Variants in H1-8 observed in about 807,000 individuals in gnomAD.
The protein encoded by H1-8 is histone H1.8.
H1-8 carries 13 observed loss-of-function variants against 19.5 expected under a neutral mutation model. The ratio of observed to expected loss-of-function variants is 0.67; its 90% CI spans 0.43 to 1.06. The LOEUF (loss-of-function observed/expected upper bound fraction) is 1.06, where lower values mean the gene tolerates loss of function less well. Among genes scored for constraint, H1-8 ranks in the 50% least tolerant of loss-of-function variants. The pLI, the probability that H1-8 is intolerant of heterozygous loss-of-function variation, is 0.00. For missense variants in H1-8, 432 were observed against 459.8 expected, an observed-to-expected ratio of 0.94 and a Z score of 0.55; for synonymous variants, 193 against 187.6, an observed-to-expected ratio of 1.03 and a Z score of -0.24.
At chr3:129,546,488 T>C (rs2084889982) in intron 1 of H1-8, among the ~76,000 whole-genome samples, 1 of 152,226 alleles carries the variant, frequency 6.6e-6, no homozygotes, top group Admixed American at 6.5e-5. Flanking sequence ...GATTTATGTA[T>C]CATTTCATCT....
rs577693712 is a variant in H1-8, at chr3:129,546,402, C to T, written c.89-989C>T. 7.9e-5 allele frequency among the ~76,000 whole-genome samples: 12 copies of T among 152,242 alleles called. No individual in the cohort carries two copies. The South Asian group carries it at 2.1e-3, about 26-fold the overall frequency. On this transcript the variant is annotated intron_variant, in intron 1 of 4. Coordinates refer to ENST00000324382, the MANE Select transcript of H1-8 (RefSeq NM_153833.3). ...GTCTGTAACTCCCTTCCACTGTACC[C>T]GTCACCCAGCTCCAACAGTCACCAT...
chr3:129,543,274 G>T lies in H1-8; in HGVS notation c.56G>T (p.Gly19Val), dbSNP rs778047834. ...TCACCCTCCTCGACTTCCACAGCAG[G>T]ATCATCCAGGTCTCCTGAATCTGAA... ...DISPSSTSTA[G>V]SSRSPESEKP... Residue 19 changes from glycine (G) to valine (V), a missense_variant, in exon 1 of 5, where the codon GGA (glycine) becomes GTA (valine). Coordinates refer to ENST00000324382, the MANE Select transcript of H1-8 (RefSeq NM_153833.3). 1.2e-6 allele frequency: 2 copies of T among 1,613,624 alleles called. No homozygotes were observed. Among genetic ancestry groups the T allele is most frequent in the African/African-American group, 2.7e-5 (2 of 74,934 alleles).
intron 3 of H1-8, 150 bp downstream of exon 3, chr3:129,549,514 G>A: frequency 1.1e-6 from 1 of 936,576 alleles, no homozygotes; most frequent in Non-Finnish European, 1.6e-6. Flanking sequence ...AGAACTCATG[G>A]TAGCTGGTTG....
chr3:129,545,447 G>T (rs1213673818), intron 1 of H1-8, among the ~76,000 whole-genome samples: 2 of 151,974 alleles, frequency 1.3e-5, no homozygotes, highest in Admixed American at 1.3e-4. Context: ...ACACCTTATT[G>T]AGAAATAATT....
chr3:129,547,442 C>T lies in H1-8; in HGVS notation c.140C>T (p.Pro47Leu), dbSNP rs747952773. Reference protein sequence around the residue: ...PPGGPSHSSLPVGRRHPPVLR... With the variant: ...PPGGPSHSSLLVGRRHPPVLR... ...GGAGGCCCGAGCCACAGCAGCCTCC[C>T]GGTGGGACGCCGCCACCCCCCGGTG... The change falls in exon 2 of 5, where the codon CCG (proline) becomes CTG (leucine). Residue 47 changes from proline (P) to leucine (L), a missense_variant. Physicochemically the swap from Pro to Leu is moderately conservative, Grantham distance 98 (BLOSUM62 -3). Transcript: ENST00000324382. The T allele has an allele frequency of 2.1e-5, 31 of 1,485,782 alleles. No individual in the cohort carries two copies. The South Asian group carries it at 2.5e-4, about 12-fold the overall frequency. The allele number at this position is 1,485,782 out of a possible 1,614,324, so 92.0% of individuals were successfully genotyped here.
chr3:129,548,264 G>C lies in H1-8; in HGVS notation c.378+584G>C, dbSNP rs369054226. The C allele has an allele frequency of 6.6e-6, 6 of 909,694 alleles. No individual in the cohort carries two copies. In the East Asian group the frequency reaches 5.9e-4, roughly 90 times the overall value. The allele number at this position is 909,694 out of a possible 1,614,324, so 56.4% of individuals were successfully genotyped here. On this transcript the variant is annotated intron_variant, in intron 2 of 4. Coordinates refer to ENST00000324382, the MANE Select transcript of H1-8 (RefSeq NM_153833.3). ...GCATGTAGCAGCTGCCATGACAGTT[G>C]CCATGGAATGCTGGGGAACATTCTC...
intron 1 of H1-8, among the ~76,000 whole-genome samples, chr3:129,543,706 A>C (rs2084868429): frequency 6.6e-6 from 1 of 152,140 alleles, no homozygotes; most frequent in South Asian, 2.1e-4. Context: ...TTTCAACCAA[A>C]AAACACCTCA....
intron 2 of H1-8, 26 bp downstream of exon 2, chr3:129,547,706 G>A (rs1260598041): frequency 6.6e-7 from 1 of 1,518,360 alleles, no homozygotes; most frequent in South Asian, 1.2e-5. Context: ...GGAGGACATA[G>A]CCCAGGGTTG....
chr3:129,550,436 AG>A (rs2084924937), intron 3 of H1-8, among the ~76,000 whole-genome samples: 1 of 152,154 alleles, frequency 6.6e-6, no homozygotes, highest in Non-Finnish European at 1.5e-5. Context: ...GCCAGGTGGA[AG>A]ACAAACTAAA....
chr3:129,551,445 C>T lies in H1-8; in HGVS notation c.*105C>T. ...ATTGTAAGCTATTTATCAATAAAGACTTTTGTTTCTTTTTCCTCACAATTG... is the reference window on the plus strand; with the variant it reads ...ATTGTAAGCTATTTATCAATAAAGATTTTTGTTTCTTTTTCCTCACAATTG... On this transcript the variant is annotated 3_prime_UTR_variant, in exon 5 of 5. Transcript: ENST00000324382. The T allele has an allele frequency of 1.3e-6, 1 of 777,888 alleles. No homozygotes were observed. Among genetic ancestry groups the T allele is most frequent in the South Asian group, 1.9e-5 (1 of 53,124 alleles). The allele number at this position is 777,888 out of a possible 1,614,324, so 48.2% of individuals were successfully genotyped here.
rs974083849 is a variant in H1-8 at position 129,547,495 on chromosome 3, G to A, written c.193G>A (p.Ala65Thr). Residue 65 changes from alanine (A) to threonine (T), a missense_variant, in exon 2 of 5, where the codon GCT becomes ACT. Ala to Thr is a moderately conservative substitution (Grantham distance 58). Transcript: ENST00000324382. ...VLRMVLEALQ[A>T]GEQRRGTSVA... ...ACGCATGGTGCTGGAGGCGCTGCAG[G>A]CTGGGGAGCAGCGCCGGGGCACGTC... 1 of 1,562,800 alleles carries A rather than the reference G, an allele frequency of 6.4e-7. No homozygotes were observed. The highest frequency in any genetic ancestry group is 8.7e-7 in the Non-Finnish European group (1 of 1,153,890).
chr3:129,543,589 G>C (rs1313501601), intron 1 of H1-8, among the ~76,000 whole-genome samples: 1 of 152,244 alleles, frequency 6.6e-6, no homozygotes, highest in Admixed American at 6.5e-5. Context: ...CTTCCAGCTG[G>C]AGCCCGTTTC....
intron 1 of H1-8, among the ~76,000 whole-genome samples, chr3:129,545,923 C>T (rs1053781870): frequency 6.6e-5 from 10 of 152,036 alleles, no homozygotes; most frequent in Non-Finnish European, 1.5e-4. Context: ...TGTGGACATG[C>T]GTTTTCATTT....
chr3:129,549,005 T>C lies in H1-8; in HGVS notation c.383T>C (p.Val128Ala). ...ARGATGSFKLVPKHKKKIQPR... is the reference protein window; with the variant it reads ...ARGATGSFKLAPKHKKKIQPR... ...CCACCCCGTGTCCTTCTCCAGTTAG[T>C]TCCCAAGCACAAGAAGAAAATCCAG... The change falls in exon 3 of 5, where the codon GTT (valine) becomes GCT (alanine). Residue 128 changes from valine (V) to alanine (A), a missense_variant. Physicochemically the swap from Val to Ala is moderately conservative, Grantham distance 64. Coordinates refer to ENST00000324382, the MANE Select transcript of H1-8 (RefSeq NM_153833.3). The C allele has an allele frequency of 6.2e-7, 1 of 1,604,932 alleles. No homozygotes were observed. The highest frequency in any genetic ancestry group is 1.1e-5 in the South Asian group (1 of 89,940).
chr3:129,551,131 A>G lies in H1-8; in HGVS notation c.832A>G (p.Thr278Ala), dbSNP rs756287523. The change falls in exon 5 of 5, where the codon ACC becomes GCC. Residue 278 changes from threonine (T) to alanine (A), a missense_variant. Transcript: ENST00000324382. ...SKVKNGAASP[T>A]KKKVVAKAKA... The stretch of plus-strand genomic sequence containing the variant: ...GGTCAAGAATGGTGCTGCTTCCCCG[A>G]CCAAAAAGAAGGTGGTGGCCAAGGC... 1 of 1,613,972 alleles carries G rather than the reference A, an allele frequency of 6.2e-7. No homozygotes were observed. The highest frequency in any genetic ancestry group is 1.1e-5 in the South Asian group (1 of 91,060).
At chr3:129,548,695 GC>G (rs1448854013) in intron 2 of H1-8, among the ~76,000 whole-genome samples, 1 of 149,618 alleles carries the variant, frequency 6.7e-6, no homozygotes, top group South Asian at 2.1e-4. Flanking sequence ...GCGTCAAGGG[GC>G]GAGGTGGTGG....
intron 1 of H1-8, among the ~76,000 whole-genome samples, chr3:129,544,984 G>A (rs1468756790): frequency 2.6e-5 from 4 of 151,566 alleles, no homozygotes; most frequent in Admixed American, 2.6e-4. Context: ...GAAGTGATTA[G>A]GTCTCTTTAT....
chr3:129,543,423 A>G, intron 1 of H1-8, 117 bp downstream of exon 1: 3 of 736,626 alleles, frequency 4.1e-6, no homozygotes, highest in Non-Finnish European at 7.1e-6. Flanking sequence ...CCTACCCAGC[A>G]CCCACCCAGC....
intron 1 of H1-8, among the ~76,000 whole-genome samples, chr3:129,544,241 G>T (rs539719362): frequency 7.9e-5 from 12 of 152,238 alleles, no homozygotes; most frequent in South Asian, 2.1e-4. Flanking sequence ...AGTGCTAGGG[G>T]AGCAGTGGGA....
Sources: allele counts gnomAD v4.1 joint callset (sites outside exome capture counted in the v4.1 genomes callset), GRCh38; gene constraint gnomAD v4.1.1; transcripts MANE v1.5; gene names NCBI Gene and HGNC (gene_info 2026-07-23, HGNC 2026-07-21).